KIF16B: variants seen among roughly 807,000 people sequenced by gnomAD.
KIF16B encodes the protein kinesin family member 16B.
KIF16B carries 98 observed loss-of-function variants against 156.3 expected under a neutral mutation model. That is an observed-to-expected ratio of 0.63 (90% CI 0.53 to 0.74). The LOEUF (loss-of-function observed/expected upper bound fraction) is 0.74. Among genes scored for constraint, KIF16B ranks in the 30% least tolerant of loss-of-function variants. KIF16B has a pLI of 0.00. For missense variants in KIF16B, 1,421 were observed against 1,606.5 expected, an observed-to-expected ratio of 0.88 and a Z score of 1.97; for synonymous variants, 564 against 583.7, an observed-to-expected ratio of 0.97 and a Z score of 0.49.
intron 25 of KIF16B, among the ~76,000 whole-genome samples, chr20:16,306,516 C>T (rs2063542597): frequency 6.6e-6 from 1 of 152,142 alleles, no homozygotes; most frequent in South Asian, 2.1e-4. Flanking sequence ...GGTTGAAAGA[C>T]AGACTGGTAT....
Position 16,505,720 on chromosome 20 carries a change from A to C in KIF16B, c.1000+2T>G. The C allele has an allele frequency of 6.2e-7, 1 of 1,611,570 alleles. No homozygotes were observed. The highest frequency in any genetic ancestry group is 8.5e-7 in the Non-Finnish European group (1 of 1,178,550). On this transcript the variant is annotated splice_donor_variant, in intron 9 of 25. Coordinates refer to ENST00000354981, the MANE Select transcript of KIF16B (RefSeq NM_024704.5). LOFTEE classifies it high-confidence loss of function. ...CTCAGAAAAGTAACTTAAAACTCTT[A>C]CTGGCAATCATGATAGTTTTAGAGT...
intron 12 of KIF16B, among the ~76,000 whole-genome samples, chr20:16,481,222 G>T (rs2067974959): frequency 6.6e-6 from 1 of 152,046 alleles, no homozygotes; most frequent in Admixed American, 6.6e-5. Context: ...TTCAAGACAG[G>T]TTCTCACTCT....
intron 12 of KIF16B, among the ~76,000 whole-genome samples, chr20:16,445,860 T>G (rs148500453): frequency 9.1e-4 from 139 of 152,324 alleles, no homozygotes; most frequent in African/African-American, 3.3e-3. Context: ...AATAAAATAC[T>G]GGGGCTTCCA....
intron 1 of KIF16B, among the ~76,000 whole-genome samples, chr20:16,551,280 GCCA>G (rs996409912): frequency 5.9e-5 from 9 of 152,042 alleles, no homozygotes; most frequent in Admixed American, 6.5e-5. Flanking sequence ...ACAGGCACTC[GCCA>G]CCATGCCCGG....
At chr20:16,440,545 A>G (rs879545004) in intron 12 of KIF16B, among the ~76,000 whole-genome samples, 2,989 of 84,036 alleles carry the variant, frequency 0.036, 63 homozygotes, top group Admixed American at 0.059. Context: ...ACACACACAC[A>G]CACACACACA....
At chr20:16,451,129 C>T (rs1468995613) in intron 12 of KIF16B, among the ~76,000 whole-genome samples, 2 of 152,148 alleles carry the variant, frequency 1.3e-5, no homozygotes, top group Non-Finnish European at 2.9e-5. Flanking sequence ...ATAGAATGTA[C>T]GTCTGGAAAA....
In KIF16B at chr20:16,516,358, G is replaced by T. The variant is rs368913585; in HGVS notation, c.232-694C>A. On this transcript the variant is annotated intron_variant, in intron 3 of 25. Coordinates refer to ENST00000354981, the MANE Select transcript of KIF16B (RefSeq NM_024704.5). The stretch of plus-strand genomic sequence containing the variant: ...TATAATTACAGTTTGGGTAGTGAAA[G>T]GAGGTGAAGTACAAATGCTTCACCC... 2.0e-5 allele frequency among the ~76,000 whole-genome samples: 3 copies of T among 152,302 alleles called. No homozygotes were observed. The East Asian group carries it at 5.8e-4, about 29-fold the overall frequency.
At chr20:16,551,732 A>T (rs1003563261) in intron 1 of KIF16B, among the ~76,000 whole-genome samples, 15 of 152,174 alleles carry the variant, frequency 9.9e-5, no homozygotes, top group Non-Finnish European at 2.9e-5. Context: ...AAGCCCTCTG[A>T]TATCATCAGT....
chr20:16,296,692 G>A (rs1352940256), intron 25 of KIF16B, among the ~76,000 whole-genome samples: 3 of 152,168 alleles, frequency 2.0e-5, no homozygotes, highest in African/African-American at 7.2e-5. Context: ...AATATCTAAA[G>A]CTCAACAAAT....
intron 23 of KIF16B, among the ~76,000 whole-genome samples, chr20:16,340,057 A>G (rs2064113443): frequency 6.6e-6 from 1 of 152,204 alleles, no homozygotes; most frequent in Admixed American, 6.5e-5. Flanking sequence ...CCAGTGATCT[A>G]CAAGGATTTC....
chr20:16,328,575 T>C (rs2063895680), intron 24 of KIF16B, among the ~76,000 whole-genome samples: 1 of 152,214 alleles, frequency 6.6e-6, no homozygotes, highest in Non-Finnish European at 1.5e-5. Context: ...CCCTCAATGA[T>C]TGATTCCAGT....
chr20:16,298,410 T>C (rs2122569159), intron 25 of KIF16B, among the ~76,000 whole-genome samples: 2 of 152,354 alleles, frequency 1.3e-5, no homozygotes, highest in Middle Eastern at 6.8e-3. Context: ...ATTGGTTTAT[T>C]CAGGGATTCA....
In KIF16B at chr20:16,273,208, C is replaced by A; in HGVS notation, c.*45G>T. 6.4e-7 allele frequency: 1 copy of A among 1,572,428 alleles called. No homozygotes were observed. Among genetic ancestry groups the A allele is most frequent in the Non-Finnish European group, 8.7e-7 (1 of 1,144,742 alleles). ...AGCTGCCCTGCATCGGAGCCCGCTTCGACGAGAAGGCACTGCTGTGGTGGT... is the reference window on the plus strand; with the variant it reads ...AGCTGCCCTGCATCGGAGCCCGCTTAGACGAGAAGGCACTGCTGTGGTGGT... On this transcript the variant is annotated 3_prime_UTR_variant, in exon 26 of 26. Transcript: ENST00000354981.
chr20:16,327,271 G>A (rs2063871152), intron 24 of KIF16B, among the ~76,000 whole-genome samples: 1 of 151,808 alleles, frequency 6.6e-6, no homozygotes, highest in African/African-American at 2.4e-5. Context: ...ATGATACAAT[G>A]GACTTCGGGG....
chr20:16,367,978 T>G (rs2064718861), intron 22 of KIF16B: 2 of 1,438,028 alleles, frequency 1.4e-6, no homozygotes, highest in South Asian at 3.0e-5. Context: ...TGAGCCGAGA[T>G]TATCTGACAG....
chr20:16,387,484 T>C (rs952174097), intron 17 of KIF16B, among the ~76,000 whole-genome samples: 2 of 151,846 alleles, frequency 1.3e-5, no homozygotes, highest in African/African-American at 2.4e-5. Context: ...CTTAATTGGA[T>C]AGGGAAGTAA....
At chr20:16,435,940 T>C (rs1057047034) in intron 12 of KIF16B, among the ~76,000 whole-genome samples, 7 of 152,230 alleles carry the variant, frequency 4.6e-5, no homozygotes, top group African/African-American at 1.7e-4. Flanking sequence ...ATTGAATTCA[T>C]GTTTCTCATT....
At chr20:16,428,442 G>C (rs538229629) in intron 14 of KIF16B, among the ~76,000 whole-genome samples, 16 of 152,240 alleles carry the variant, frequency 1.1e-4, no homozygotes, top group African/African-American at 3.9e-4. Flanking sequence ...TGTAGGCTAA[G>C]TCACTGATTA....
rs115783093 is a variant in KIF16B at position 16,377,021 on chromosome 20, G to A, written c.3197+1784C>T. On this transcript the variant is annotated intron_variant, in intron 19 of 25. Transcript: ENST00000354981. ...ATGGTAAATGTAATCCATAGCATAA[G>A]CCAATCATTTGAATGGAGGTTGTCC... Among the ~76,000 whole-genome samples the A allele has an allele frequency of 7.6e-3, 1,152 of 152,316 alleles. 18 individuals are homozygous for A. The highest frequency in any genetic ancestry group is 0.026 in the African/African-American group (1,074 of 41,568).
Sources: gnomAD v4.1 joint callset for allele counts (sites outside exome capture counted in the v4.1 genomes callset) on GRCh38, gnomAD v4.1.1 for gene constraint, MANE v1.5 for transcripts, NCBI Gene and HGNC (gene_info 2026-07-23, HGNC 2026-07-21) for gene names.